The following SGSM1 variants were observed in gnomAD, a reference collection of about 807,000 sequenced individuals.
SGSM1 encodes the protein RUN and TBC1 domain containing 2.
In SGSM1, 73 loss-of-function variants were observed where a neutral mutation model predicts 133.8. The observed-to-expected ratio is 0.55, with a 90% CI of 0.45 to 0.66. The LOEUF (loss-of-function observed/expected upper bound fraction) is 0.66. Among genes scored for constraint, SGSM1 ranks in the 30% least tolerant of loss-of-function variants. The pLI is 0.00. For synonymous variants in SGSM1, 563 were observed against 573.0 expected (o/e 0.98, Z 0.25); for missense variants, 1,213 against 1,448.1 (o/e 0.84, Z 2.64).
chr22:24,822,945 G>A (rs111887246), intron 2 of SGSM1, among the ~76,000 whole-genome samples: 1,583 of 152,324 alleles, frequency 0.01, 22 homozygotes, highest in Middle Eastern at 0.034. Context: ...GTGAGTCTTT[G>A]GGCTCAAGTG....
chr22:24,895,237 C>T lies in SGSM1; in HGVS notation c.1968C>T (p.Cys656=), dbSNP rs1193479802. The change falls in exon 18 of 25, where the codon TGC becomes TGT. Residue 656 remains cysteine (C), a synonymous_variant. Coordinates refer to ENST00000400358, the MANE Select transcript of SGSM1 (RefSeq NM_001098497.3). ...STISNESSQS[C]SSGRQNIRLH... ...TCTTTTCTCAGTCCTCCCAGAGCTG[C>T]AGTTCGGGCCGCCAGAACATCCGCC... 1 of 1,611,088 alleles carries T rather than the reference C, an allele frequency of 6.2e-7. No individual in the cohort carries two copies. The highest frequency in any genetic ancestry group is 2.2e-5 in the East Asian group (1 of 44,700).
At chr22:24,882,293 C>T (rs1932376164) in intron 14 of SGSM1, among the ~76,000 whole-genome samples, 1 of 152,062 alleles carries the variant, frequency 6.6e-6, no homozygotes, top group South Asian at 2.1e-4. Context: ...TGGTCTTGAA[C>T]TCCTGGGCTC....
In SGSM1 at chr22:24,905,186, TGGTGAGTGTG is replaced by T; in HGVS notation, c.2818_2818+9del. On this transcript the variant is annotated splice_donor_variant and splice_donor_5th_base_variant and coding_sequence_variant and intron_variant, in exon 21 of 25. Transcript: ENST00000400358. LOFTEE classifies it high-confidence loss of function. ...CTCCACTGCTGGTCATTCTGGATGA[TGGTGAGTGTG>T]TCTTTACTGCCCTAGGGCTGAGGGT... 1.2e-6 allele frequency: 2 copies of T among 1,613,904 alleles called. No homozygotes were observed. The highest frequency in any genetic ancestry group is 1.7e-6 in the Non-Finnish European group (2 of 1,179,796).
chr22:24,833,656 CAAA>C (rs139639), intron 2 of SGSM1, among the ~76,000 whole-genome samples: 14 of 140,268 alleles, frequency 1.0e-4, no homozygotes, highest in East Asian at 6.6e-4. Context: ...GACTCCGTCT[CAAA>C]AAAAAAAAAA....
intron 2 of SGSM1, among the ~76,000 whole-genome samples, chr22:24,832,700 GAT>G: frequency 6.6e-6 from 1 of 152,176 alleles, no homozygotes. Flanking sequence ...GCCATCAGTG[GAT>G]CTGTTACTTC....
intron 2 of SGSM1, among the ~76,000 whole-genome samples, chr22:24,814,541 G>T (rs1227458324): frequency 6.6e-6 from 1 of 151,960 alleles, no homozygotes; most frequent in African/African-American, 2.4e-5. Flanking sequence ...CCGAGAGTGT[G>T]GGGTCAGGGA....
chr22:24,807,703 A>AGT (rs147400426), intron 2 of SGSM1, among the ~76,000 whole-genome samples: 342 of 151,512 alleles, frequency 2.3e-3, no homozygotes, highest in African/African-American at 7.7e-3. Flanking sequence ...CCTGGCTTTC[A>AGT]GTGTGTGTGT....
At chr22:24,849,038 C>T (rs2147842037) in intron 4 of SGSM1, among the ~76,000 whole-genome samples, 1 of 152,342 alleles carries the variant, frequency 6.6e-6, no homozygotes, top group East Asian at 1.9e-4. Context: ...CATGGGCCTT[C>T]CACAACACTG....
At chr22:24,909,250 A>T (rs956202262) in intron 21 of SGSM1, among the ~76,000 whole-genome samples, 11 of 152,132 alleles carry the variant, frequency 7.2e-5, no homozygotes, top group African/African-American at 2.4e-4. Flanking sequence ...GTAACAAAAA[A>T]GTTGAGGACT....
intron 2 of SGSM1, chr22:24,814,128 T>C (rs1335940088): frequency 6.6e-6 from 1 of 152,194 alleles, no homozygotes; most frequent in African/African-American, 2.4e-5. Context: ...GCCAAGTCTT[T>C]GTTTTTTCCA....
chr22:24,852,986 G>A (rs1930570581), intron 5 of SGSM1, among the ~76,000 whole-genome samples: 4 of 152,206 alleles, frequency 2.6e-5, no homozygotes, highest in Admixed American at 6.5e-5. Flanking sequence ...GTAAGATTAC[G>A]ATGATGTTGC....
At chr22:24,829,855 G>A (rs1198088758) in intron 2 of SGSM1, among the ~76,000 whole-genome samples, 1 of 152,172 alleles carries the variant, frequency 6.6e-6, no homozygotes, top group Admixed American at 6.5e-5. Flanking sequence ...ACAGGCCACA[G>A]TGATCCCAGA....
In SGSM1 at chr22:24,917,683, T is replaced by A; in HGVS notation, c.2954T>A (p.Leu985Gln). The A allele has an allele frequency of 6.2e-7, 1 of 1,613,990 alleles. No individual in the cohort carries two copies. The highest frequency in any genetic ancestry group is 8.5e-7 in the Non-Finnish European group (1 of 1,179,944). Residue 985 changes from leucine (L) to glutamine (Q), a missense_variant, in exon 23 of 25, where the codon CTG (leucine) becomes CAG (glutamine). Leu to Gln is a moderately radical substitution (Grantham distance 113). Coordinates refer to ENST00000400358, the MANE Select transcript of SGSM1 (RefSeq NM_001098497.3). ...ATCCTGGACTCAGAGCTGTTTGAGCTGATGCATCAGAACGGGGACTATACT... is the reference window on the plus strand; with the variant it reads ...ATCCTGGACTCAGAGCTGTTTGAGCAGATGCATCAGAACGGGGACTATACT... ...IQILDSELFE[L>Q]MHQNGDYTHF...
rs561631041 is a variant in SGSM1, at chr22:24,830,947, C to G, written c.64-13950C>G. On this transcript the variant is annotated intron_variant, in intron 2 of 24. Coordinates refer to ENST00000400358, the MANE Select transcript of SGSM1 (RefSeq NM_001098497.3). ...CACTAAAAGCCCCTCCTGGACAGGG[C>G]TGTGATTCCTTCCCTGAGGCTCTCC... Among the ~76,000 whole-genome samples the G allele has an allele frequency of 2.0e-5, 3 of 152,240 alleles. No individual in the cohort carries two copies. In the East Asian group the frequency reaches 5.8e-4, roughly 30 times the overall value.
intron 19 of SGSM1, among the ~76,000 whole-genome samples, chr22:24,898,802 TG>T (rs1331426722): frequency 6.6e-6 from 1 of 150,770 alleles, no homozygotes; most frequent in Non-Finnish European, 1.5e-5. Context: ...CTGAGGGGGG[TG>T]GATCACGAAG....
chr22:24,885,673 C>T (rs1490745045), intron 15 of SGSM1, among the ~76,000 whole-genome samples: 2 of 152,042 alleles, frequency 1.3e-5, no homozygotes, highest in Admixed American at 6.5e-5. Context: ...CCGCCTGCCT[C>T]GGTCTCCCAA....
At chr22:24,843,525 A>G (rs1001878809) in intron 2 of SGSM1, 1 of 152,172 alleles carries the variant, frequency 6.6e-6, no homozygotes, top group Non-Finnish European at 1.5e-5. Flanking sequence ...ACTTTGCTTT[A>G]TTTACCCCAA....
Position 24,806,267 on chromosome 22 carries a change from A to G in SGSM1, c.-59A>G, listed in dbSNP as rs1380479544. 2 of 1,379,614 alleles carry G rather than the reference A, an allele frequency of 1.4e-6. No homozygotes were observed. Among genetic ancestry groups the G allele is most frequent in the Non-Finnish European group, 1.9e-6 (2 of 1,068,240 alleles). 85.5% of individuals were successfully genotyped at this position (1,379,614 alleles called of 1,614,324 possible). On this transcript the variant is annotated 5_prime_UTR_variant, in exon 1 of 25. Coordinates refer to ENST00000400358, the MANE Select transcript of SGSM1 (RefSeq NM_001098497.3). Reference sequence around the variant, plus strand: ...GCAGCAGCAGCGCCGCGGCCGGAGGAGCTACCGCCGCCACCGCCGCCACCG... The same window carrying G: ...GCAGCAGCAGCGCCGCGGCCGGAGGGGCTACCGCCGCCACCGCCGCCACCG...
rs751432195 is a variant in SGSM1 at position 24,905,122 on chromosome 22, T to C, written c.2753T>C (p.Ile918Thr). 4 of 1,613,860 alleles carry C rather than the reference T, an allele frequency of 2.5e-6. No individual in the cohort carries two copies. The highest frequency in any genetic ancestry group is 3.4e-6 in the Non-Finnish European group (4 of 1,179,882). Residue 918 changes from isoleucine (I) to threonine (T), a missense_variant, in exon 21 of 25, where the codon ATT becomes ACT. Physicochemically the swap from Ile to Thr is moderately conservative, Grantham distance 89. Coordinates refer to ENST00000400358, the MANE Select transcript of SGSM1 (RefSeq NM_001098497.3). ...TCTTCTAGCTACATCTGGCAGCACA[T>C]TGAGATCGGCTATGTCCAGGGCATG... ...NIMCSYIWQH[I>T]EIGYVQGMCD... is the part of the protein sequence containing the mutation.
Sources: allele counts gnomAD v4.1 joint callset (sites outside exome capture counted in the v4.1 genomes callset), GRCh38; gene constraint gnomAD v4.1.1; transcripts MANE v1.5; gene names NCBI Gene and HGNC (gene_info 2026-07-23, HGNC 2026-07-21).